The following STRN3 variants were observed in gnomAD, a reference collection of about 807,000 sequenced individuals.
The protein encoded by STRN3 is striatin-3.
STRN3 carries 29 observed loss-of-function variants against 95.6 expected under a neutral mutation model. The ratio of observed to expected loss-of-function variants is 0.30; its 90% confidence interval spans 0.23 to 0.41. The LOEUF (loss-of-function observed/expected upper bound fraction) is 0.41. STRN3 is among the 10% of genes least tolerant of loss of function. The pLI, the probability that STRN3 is intolerant of heterozygous loss-of-function variation, is 1.00. For missense variants in STRN3, 890 were observed against 972.1 expected (o/e 0.92, Z 1.12); for synonymous variants, 331 against 357.6 (o/e 0.93, Z 0.84).
chr14:31,011,547 G>A (rs1475996196), intron 1 of STRN3, among the ~76,000 whole-genome samples: 1 of 152,176 alleles, frequency 6.6e-6, no homozygotes, highest in Admixed American at 6.5e-5. Context: ...GGAGGCTGAG[G>A]CACAAGAATT....
intron 12 of STRN3, among the ~76,000 whole-genome samples, 176 bp downstream of exon 12, chr14:30,911,601 C>T (rs1461810314): frequency 6.6e-6 from 1 of 152,030 alleles, no homozygotes; most frequent in Non-Finnish European, 1.5e-5. Context: ...CTGCATCTGG[C>T]CTGAATGGTA....
rs760693982 is a variant in STRN3, at chr14:30,955,696, G to A, written c.387-3C>T. The A allele has an allele frequency of 2.3e-5, 36 of 1,576,594 alleles. No individual in the cohort carries two copies. The highest frequency in any genetic ancestry group is 8.3e-5 in the African/African-American group (6 of 72,020). On this transcript the variant is annotated splice_polypyrimidine_tract_variant and splice_region_variant and intron_variant, in intron 2 of 17. Transcript: ENST00000357479. ...ATTTTAATTTGTGATATTTTGCCCT[G>A]AAAATTTAATCACAAATTAGTAAAA...
At chr14:30,919,254 C>T (rs1896819400) in intron 8 of STRN3, 148 bp from the exon 9 acceptor site, 1 of 789,822 alleles carries the variant, frequency 1.3e-6, no homozygotes, top group Non-Finnish European at 1.9e-6. Flanking sequence ...TTCCATTTTC[C>T]ATACCATCCC....
At chr14:30,978,228 T>C (rs945594390) in intron 1 of STRN3, among the ~76,000 whole-genome samples, 6 of 151,942 alleles carry the variant, frequency 3.9e-5, no homozygotes, top group Non-Finnish European at 1.5e-5. Flanking sequence ...CAAACATATC[T>C]CTCATGAGCA....
At chr14:30,908,899 C>T (rs533318086) in intron 13 of STRN3, among the ~76,000 whole-genome samples, 6 of 152,282 alleles carry the variant, frequency 3.9e-5, no homozygotes, top group African/African-American at 9.6e-5. Context: ...TAACTTCAAT[C>T]GAGATCTCTT....
At chr14:30,984,266 TAAAAAAAA>T (rs755650146) in intron 1 of STRN3, among the ~76,000 whole-genome samples, 3 of 86,856 alleles carry the variant, frequency 3.5e-5, no homozygotes, top group African/African-American at 5.0e-5. Flanking sequence ...TGAGGAATTC[TAAAAAAAA>T]AAAAAAAAAA....
At chr14:30,993,314 G>C (rs762123589) in intron 1 of STRN3, among the ~76,000 whole-genome samples, 1 of 149,966 alleles carries the variant, frequency 6.7e-6, no homozygotes, top group African/African-American at 2.4e-5. Context: ...ACTTCAGTAA[G>C]TACTGGATTT....
intron 16 of STRN3, 65 bp downstream of exon 16, chr14:30,902,471 A>T: frequency 1.8e-6 from 2 of 1,127,590 alleles, no homozygotes; most frequent in Non-Finnish European, 2.6e-6. Context: ...TCTTACATAA[A>T]ACAGCATTTT....
intron 1 of STRN3, among the ~76,000 whole-genome samples, chr14:31,020,360 G>A (rs188270397): frequency 2.0e-5 from 3 of 151,998 alleles, no homozygotes; most frequent in East Asian, 1.9e-4. Flanking sequence ...TTAGCTGGGC[G>A]TGTTGGTGGG....
At chr14:30,915,886 T>C (rs1326796902) in intron 9 of STRN3, among the ~76,000 whole-genome samples, 1 of 152,192 alleles carries the variant, frequency 6.6e-6, no homozygotes, top group Non-Finnish European at 1.5e-5. Flanking sequence ...TGGACATTAG[T>C]TTTACTCGAG....
intron 1 of STRN3, among the ~76,000 whole-genome samples, chr14:30,974,196 T>C (rs1040155721): frequency 2.0e-5 from 3 of 152,120 alleles, no homozygotes; most frequent in East Asian, 1.9e-4. Flanking sequence ...AAAGATTCCA[T>C]AATAACCTAT....
intron 8 of STRN3, among the ~76,000 whole-genome samples, chr14:30,927,272 C>A (rs1391592654): frequency 6.6e-6 from 1 of 152,028 alleles, no homozygotes; most frequent in Non-Finnish European, 1.5e-5. Context: ...CTATGATTTA[C>A]ACTACTGCAC....
intron 1 of STRN3, among the ~76,000 whole-genome samples, chr14:30,973,297 C>A (rs1395795574): frequency 6.9e-6 from 1 of 144,270 alleles, no homozygotes; most frequent in Non-Finnish European, 1.5e-5. Flanking sequence ...AAAGTCAAAT[C>A]TTTGAAAAGA....
chr14:30,984,148 C>A (rs901749419), intron 1 of STRN3, among the ~76,000 whole-genome samples: 5 of 129,792 alleles, frequency 3.9e-5, no homozygotes, highest in East Asian at 4.5e-4. Context: ...CCCCCCCCCA[C>A]ACACAAAGGC....
intron 1 of STRN3, among the ~76,000 whole-genome samples, chr14:30,965,580 G>A (rs1171337537): frequency 6.6e-6 from 1 of 152,016 alleles, no homozygotes; most frequent in Non-Finnish European, 1.5e-5. Context: ...AGCACTTTGG[G>A]AGGCTGAGGC....
Position 30,956,136 on chromosome 14 carries a change from T to C in STRN3, c.386+3A>G. On this transcript the variant is annotated splice_donor_region_variant and intron_variant, in intron 2 of 17. Coordinates refer to ENST00000357479, the MANE Select transcript of STRN3 (RefSeq NM_001083893.2). ...TTCATGTAACAAAATGAGGCACACATACCTTTCTTGTTTTAATGCATACTC... is the reference window on the plus strand; with the variant it reads ...TTCATGTAACAAAATGAGGCACACACACCTTTCTTGTTTTAATGCATACTC... The C allele has an allele frequency of 3.7e-6, 6 of 1,609,156 alleles. No individual in the cohort carries two copies. The South Asian group carries it at 5.5e-5, about 15-fold the overall frequency.
intron 3 of STRN3, among the ~76,000 whole-genome samples, chr14:30,953,959 C>G (rs553537944): frequency 6.6e-5 from 10 of 152,056 alleles, no homozygotes; most frequent in Non-Finnish European, 1.5e-4. Flanking sequence ...TAATAATAGT[C>G]ATAGTGTCAA....
intron 1 of STRN3, among the ~76,000 whole-genome samples, chr14:31,021,185 C>T (rs1883489317): frequency 6.6e-6 from 1 of 151,958 alleles, no homozygotes; most frequent in African/African-American, 2.4e-5. Context: ...TTGAGATTAA[C>T]TGAATGGATG....
intron 1 of STRN3, among the ~76,000 whole-genome samples, chr14:30,957,736 C>T (rs989642776): frequency 6.6e-5 from 10 of 152,142 alleles, no homozygotes; most frequent in Admixed American, 5.9e-4. Flanking sequence ...CTTTAACCAC[C>T]TCACACTAAA....
Sources: allele counts gnomAD v4.1 joint callset (sites outside exome capture counted in the v4.1 genomes callset), GRCh38; gene constraint gnomAD v4.1.1; transcripts MANE v1.5; gene names NCBI Gene and HGNC (gene_info 2026-07-23, HGNC 2026-07-21).